The following DSCAML1 variants were observed in gnomAD, a reference collection of about 807,000 sequenced individuals.
DSCAML1 encodes cell adhesion molecule DSCAML1.
Under a neutral mutation model 200.5 loss-of-function variants are expected in DSCAML1, and 38 were observed. The observed-to-expected ratio is 0.19, with a 90% CI of 0.15 to 0.25. DSCAML1 has a LOEUF of 0.25. DSCAML1 is among the 10% of genes least tolerant of loss of function. DSCAML1 has a pLI of 1.00. For synonymous variants in DSCAML1, 1,215 were observed against 1,165.0 expected (o/e 1.04, Z -0.87); for missense variants, 2,223 against 2,858.8 (o/e 0.78, Z 5.07).
intron 8 of DSCAML1, among the ~76,000 whole-genome samples, chr11:117,515,610 C>T (rs1205347196): frequency 5.2e-4 from 34 of 65,118 alleles, no homozygotes; most frequent in Non-Finnish European, 5.8e-4. Context: ...AGGGACGAAG[C>T]TTTTTTTTTT....
At chr11:117,663,963 G>A (rs1436152964) in intron 3 of DSCAML1, among the ~76,000 whole-genome samples, 1 of 152,208 alleles carries the variant, frequency 6.6e-6, no homozygotes, top group African/African-American at 2.4e-5. Context: ...AACAAGTACA[G>A]CAAGGCCGGC....
chr11:117,521,425 C>T lies in DSCAML1; in HGVS notation c.938-20G>A, dbSNP rs750268083. ...GGGGATCTGGGCCGGGCCAGGGAGACGTGAGGGGAAATGGGAGGGAGGAAA... is the reference window on the plus strand; with the variant it reads ...GGGGATCTGGGCCGGGCCAGGGAGATGTGAGGGGAAATGGGAGGGAGGAAA... On this transcript the variant is annotated intron_variant, in intron 5 of 32. Coordinates refer to ENST00000651296, the MANE Select transcript of DSCAML1 (RefSeq NM_020693.4). The T allele has an allele frequency of 7.5e-6, 12 of 1,604,576 alleles. No individual in the cohort carries two copies. The highest frequency in any genetic ancestry group is 2.7e-5 in the African/African-American group (2 of 74,650).
In DSCAML1 at chr11:117,522,495, TGTATGGGGGCTCA is replaced by T. The variant is rs970103850; in HGVS notation, c.938-1103_938-1091del. 2.8e-4 allele frequency among the ~76,000 whole-genome samples: 42 copies of T among 152,310 alleles called. 1 individual carries two copies. The highest frequency in any genetic ancestry group is 8.9e-4 in the African/African-American group (37 of 41,568). Reference sequence around the variant, plus strand: ...CTTGATCTCTATGGGCTAGGGGCTCTGTATGGGGGCTCAGGCTCCCTGTATAGCTTGGTACCCC... The same window carrying T: ...CTTGATCTCTATGGGCTAGGGGCTCTGGCTCCCTGTATAGCTTGGTACCCC... On this transcript the variant is annotated intron_variant, in intron 5 of 32. Coordinates refer to ENST00000651296, the MANE Select transcript of DSCAML1 (RefSeq NM_020693.4).
chr11:117,712,781 G>A (rs976724224), intron 3 of DSCAML1, among the ~76,000 whole-genome samples: 7 of 151,848 alleles, frequency 4.6e-5, no homozygotes, highest in African/African-American at 1.2e-4. Context: ...GACCGTTCTC[G>A]CCAGCTCCAC....
intron 3 of DSCAML1, among the ~76,000 whole-genome samples, chr11:117,671,740 AT>A (rs1371191800): frequency 1.7e-4 from 26 of 152,232 alleles, no homozygotes; most frequent in Non-Finnish European, 3.8e-4. Flanking sequence ...TAGAAACCGC[AT>A]GGCCACAGTA....
At chr11:117,511,475 T>G (rs2049616533) in intron 8 of DSCAML1, among the ~76,000 whole-genome samples, 1 of 152,204 alleles carries the variant, frequency 6.6e-6, no homozygotes. Context: ...ACATTATTTT[T>G]CAGCTACAGG....
At chr11:117,676,610 C>T (rs540259092) in intron 3 of DSCAML1, among the ~76,000 whole-genome samples, 1 of 152,338 alleles carries the variant, frequency 6.6e-6, no homozygotes, top group East Asian at 1.9e-4. Context: ...GCTGTCGCAC[C>T]TCCAGCCCAA....
At chr11:117,431,087 C>G (rs1592559988) in intron 31 of DSCAML1, 54 bp from the exon 32 acceptor site, 1 of 1,515,722 alleles carries the variant, frequency 6.6e-7, no homozygotes, top group East Asian at 2.3e-5. Flanking sequence ...ATAAGTGAGA[C>G]TGACTGAGCA....
intron 3 of DSCAML1, among the ~76,000 whole-genome samples, chr11:117,759,722 G>C (rs2054764901): frequency 8.4e-6 from 1 of 119,742 alleles, no homozygotes; most frequent in Admixed American, 9.9e-5. Context: ...TGCACCCCCA[G>C]CTACAGGGAG....
chr11:117,492,794 G>C (rs2049212250), intron 11 of DSCAML1, among the ~76,000 whole-genome samples: 1 of 152,214 alleles, frequency 6.6e-6, no homozygotes, highest in Non-Finnish European at 1.5e-5. Context: ...CCTGGGAAAG[G>C]CTGGGGGCGG....
At chr11:117,607,877 G>T (rs1441419299) in intron 3 of DSCAML1, among the ~76,000 whole-genome samples, 1 of 152,228 alleles carries the variant, frequency 6.6e-6, no homozygotes, top group Admixed American at 6.5e-5. Context: ...TAGGGAAAAA[G>T]AGTCTTAATA....
intron 19 of DSCAML1, among the ~76,000 whole-genome samples, chr11:117,454,219 G>T (rs747218473): frequency 6.6e-6 from 1 of 152,104 alleles, no homozygotes; most frequent in Non-Finnish European, 1.5e-5. Flanking sequence ...CCGGGAGCAC[G>T]TTAGAAGTGC....
rs540132494 is a variant in DSCAML1, at chr11:117,536,243, G to C, written c.512-3721C>G. 5.3e-5 allele frequency among the ~76,000 whole-genome samples: 8 copies of C among 152,334 alleles called. No homozygotes were observed. The East Asian group carries it at 1.5e-3, about 29-fold the overall frequency. ...CCTGCTGGGGAAGGAAGGAGCAAGA[G>C]GCATGTGGAGTGAGCCTCATACAGT... On this transcript the variant is annotated intron_variant, in intron 3 of 32. Coordinates refer to ENST00000651296, the MANE Select transcript of DSCAML1 (RefSeq NM_020693.4).
At chr11:117,790,100 C>T (rs1263671470) in intron 1 of DSCAML1, among the ~76,000 whole-genome samples, 1 of 152,144 alleles carries the variant, frequency 6.6e-6, no homozygotes, top group Non-Finnish European at 1.5e-5. Flanking sequence ...GGAGGGTCAC[C>T]CTAGTAGCAG....
chr11:117,736,639 T>C (rs769516063), intron 3 of DSCAML1, among the ~76,000 whole-genome samples: 1 of 152,210 alleles, frequency 6.6e-6, no homozygotes, highest in African/African-American at 2.4e-5. Context: ...TGAATGCCAG[T>C]AGCTCCCACC....
At chr11:117,644,122 T>G (rs1204023060) in intron 3 of DSCAML1, among the ~76,000 whole-genome samples, 1 of 152,194 alleles carries the variant, frequency 6.6e-6, no homozygotes, top group Admixed American at 6.5e-5. Flanking sequence ...AGTCCTGGGC[T>G]CAGGGCCGCC....
At chr11:117,615,260 A>C (rs1357814801) in intron 3 of DSCAML1, among the ~76,000 whole-genome samples, 5 of 151,362 alleles carry the variant, frequency 3.3e-5, no homozygotes, top group African/African-American at 1.2e-4. Context: ...AAAAGAAAAC[A>C]CTCTTTGTGT....
intron 3 of DSCAML1, among the ~76,000 whole-genome samples, chr11:117,744,027 G>A (rs2054470473): frequency 6.6e-6 from 1 of 152,138 alleles, no homozygotes; most frequent in Non-Finnish European, 1.5e-5. Flanking sequence ...AGCTGGATGG[G>A]GTGATGCGAG....
chr11:117,478,937 A>C (rs1231092968), intron 14 of DSCAML1, among the ~76,000 whole-genome samples: 5 of 152,246 alleles, frequency 3.3e-5, no homozygotes, highest in Non-Finnish European at 7.3e-5. Flanking sequence ...GGCTTACCGC[A>C]ACTCAACCGG....
Sources: gnomAD v4.1 joint callset for allele counts (sites outside exome capture counted in the v4.1 genomes callset) on GRCh38, gnomAD v4.1.1 for gene constraint, MANE v1.5 for transcripts, NCBI Gene and HGNC (gene_info 2026-07-23, HGNC 2026-07-21) for gene names.